Variants in SGCZ observed in about 807,000 individuals in gnomAD.
SGCZ encodes sarcoglycan zeta.
SGCZ carries 40 observed loss-of-function variants against 41.3 expected under a neutral mutation model. The observed-to-expected ratio is 0.97, with a 90% CI of 0.75 to 1.26. The LOEUF (loss-of-function observed/expected upper bound fraction) is 1.26. Ranked by LOEUF, SGCZ falls within the 50% of genes most tolerant of loss-of-function variation. The pLI is 0.00. For synonymous variants in SGCZ, 206 were observed against 137.5 expected (o/e 1.50, Z -3.49); for missense variants, 552 against 369.8 (o/e 1.49, Z -4.04).
intron 2 of SGCZ, among the ~76,000 whole-genome samples, chr8:14,492,509 A>C (rs1254148604): frequency 6.6e-6 from 1 of 152,144 alleles, no homozygotes; most frequent in African/African-American, 2.4e-5. Context: ...CAAATTTGCA[A>C]CTCTAAATAA....
intron 2 of SGCZ, among the ~76,000 whole-genome samples, chr8:14,498,149 T>A (rs1182932609): frequency 2.6e-5 from 4 of 152,214 alleles, no homozygotes; most frequent in Non-Finnish European, 5.9e-5. Context: ...TCAATAATAA[T>A]CACTTTTCTC....
intron 1 of SGCZ, among the ~76,000 whole-genome samples, chr8:15,084,897 T>G (rs1394400255): frequency 6.6e-6 from 1 of 152,178 alleles, no homozygotes; most frequent in East Asian, 1.9e-4. Context: ...AAGACTGACT[T>G]TATCTTATGA....
At chr8:15,142,673 C>G (rs1798923288) in intron 1 of SGCZ, among the ~76,000 whole-genome samples, 1 of 151,726 alleles carries the variant, frequency 6.6e-6, no homozygotes. Flanking sequence ...CCCCCACCCC[C>G]CAATCTCATC....
At chr8:14,746,956 T>A (rs1799354615) in intron 1 of SGCZ, among the ~76,000 whole-genome samples, 2 of 152,214 alleles carry the variant, frequency 1.3e-5, no homozygotes, top group South Asian at 4.1e-4. Flanking sequence ...TCAAAGATAT[T>A]TGAAGCATTC....
At chr8:15,157,347 C>A (rs1368092347) in intron 1 of SGCZ, among the ~76,000 whole-genome samples, 1 of 151,808 alleles carries the variant, frequency 6.6e-6, no homozygotes, top group Non-Finnish European at 1.5e-5. Context: ...GAGCTCACAC[C>A]ACTGCACACC....
chr8:15,038,814 CAAA>C (rs58922339), intron 1 of SGCZ, among the ~76,000 whole-genome samples: 29 of 93,060 alleles, frequency 3.1e-4, no homozygotes, highest in African/African-American at 1.1e-3. Context: ...TGACATTTCT[CAAA>C]AAAAAAAAAA....
intron 1 of SGCZ, among the ~76,000 whole-genome samples, chr8:14,785,925 C>T (rs1454321966): frequency 1.3e-5 from 2 of 151,076 alleles, no homozygotes; most frequent in Admixed American, 6.6e-5. Flanking sequence ...TTTTTCTACT[C>T]CCAGAATCCA....
chr8:14,517,748 A>T (rs929539530), intron 2 of SGCZ, among the ~76,000 whole-genome samples: 2 of 151,976 alleles, frequency 1.3e-5, no homozygotes, highest in Middle Eastern at 3.2e-3. Flanking sequence ...CATAATTAAT[A>T]GTATATTCAT....
rs116487240 is a variant in SGCZ at position 14,989,083 on chromosome 8, G to A, written c.39+248502C>T. On this transcript the variant is annotated intron_variant, in intron 1 of 7. Coordinates refer to ENST00000382080, the MANE Select transcript of SGCZ (RefSeq NM_139167.4). Reference sequence around the variant, plus strand: ...AATCAAGTTTGCACTGTAAACACTCGATGGGAGAAAAAAACCTCCCAGGAC... The same window carrying A: ...AATCAAGTTTGCACTGTAAACACTCAATGGGAGAAAAAAACCTCCCAGGAC... Among the ~76,000 whole-genome samples the A allele has an allele frequency of 3.8e-3, 577 of 152,134 alleles. 5 individuals carry two copies. The highest frequency in any genetic ancestry group is 0.013 in the African/African-American group (554 of 41,508).
At chr8:14,948,252 C>T (rs531409265) in intron 1 of SGCZ, among the ~76,000 whole-genome samples, 2 of 152,190 alleles carry the variant, frequency 1.3e-5, no homozygotes, top group East Asian at 3.9e-4. Flanking sequence ...GAAACAGAAA[C>T]TGTCAAAGGA....
intron 2 of SGCZ, among the ~76,000 whole-genome samples, chr8:14,347,356 A>G (rs1024236451): frequency 1.3e-5 from 2 of 152,150 alleles, no homozygotes; most frequent in African/African-American, 4.8e-5. Context: ...TTAAATTGCC[A>G]CAAAACTAGT....
At chr8:14,515,009 C>T (rs955656233) in intron 2 of SGCZ, among the ~76,000 whole-genome samples, 8 of 152,040 alleles carry the variant, frequency 5.3e-5, no homozygotes, top group Middle Eastern at 3.4e-3. Flanking sequence ...TATTAAATTA[C>T]ATCAAGTATA....
chr8:14,527,798 T>C (rs1353420036), intron 2 of SGCZ, among the ~76,000 whole-genome samples: 2 of 152,106 alleles, frequency 1.3e-5, no homozygotes, highest in Non-Finnish European at 2.9e-5. Flanking sequence ...GCCAGTCCTA[T>C]TGAGTAACCC....
chr8:15,172,835 A>G (rs1454658732), intron 1 of SGCZ, among the ~76,000 whole-genome samples: 2 of 152,182 alleles, frequency 1.3e-5, no homozygotes, highest in Admixed American at 6.5e-5. Context: ...TTTTACCTGA[A>G]TTCTTCATAG....
At chr8:14,248,703 C>G (rs1327252602) in intron 3 of SGCZ, among the ~76,000 whole-genome samples, 5 of 151,656 alleles carry the variant, frequency 3.3e-5, no homozygotes, top group Non-Finnish European at 5.9e-5. Context: ...TTATTTTCCA[C>G]AGATATATTT....
At chr8:15,141,289 A>G (rs1808310990) in intron 1 of SGCZ, among the ~76,000 whole-genome samples, 1 of 152,202 alleles carries the variant, frequency 6.6e-6, no homozygotes, top group African/African-American at 2.4e-5. Flanking sequence ...TGATGATACA[A>G]CTTCTTTTTC....
At chr8:14,174,992 C>T (rs1395323495) in intron 4 of SGCZ, among the ~76,000 whole-genome samples, 1 of 152,130 alleles carries the variant, frequency 6.6e-6, no homozygotes, top group East Asian at 1.9e-4. Context: ...CTATTAATCT[C>T]ATTTTAACTT....
chr8:14,835,908 G>C (rs1175057143), intron 1 of SGCZ, among the ~76,000 whole-genome samples: 2 of 152,198 alleles, frequency 1.3e-5, no homozygotes, highest in Admixed American at 6.5e-5. Context: ...AAGCTGCTGA[G>C]TAATCATCTA....
intron 2 of SGCZ, among the ~76,000 whole-genome samples, chr8:14,481,223 G>A (rs775328201): frequency 1.1e-4 from 16 of 152,144 alleles, no homozygotes; most frequent in Admixed American, 7.2e-4. Context: ...CCAGGGAAAT[G>A]CTATTTCAAC....
Sources: gnomAD v4.1 joint callset for allele counts (sites outside exome capture counted in the v4.1 genomes callset) on GRCh38, gnomAD v4.1.1 for gene constraint, MANE v1.5 for transcripts, NCBI Gene and HGNC (gene_info 2026-07-23, HGNC 2026-07-21) for gene names.